Variants in CNTN5 observed in about 807,000 individuals in gnomAD.
CNTN5 encodes the protein contactin 5, also known as contactin-5.
In CNTN5, 77 loss-of-function variants were observed where a neutral mutation model predicts 129.1. The ratio of observed to expected loss-of-function variants is 0.60; its 90% CI spans 0.50 to 0.72. The LOEUF (loss-of-function observed/expected upper bound fraction) is 0.72. Among genes scored for constraint, CNTN5 ranks in the 30% least tolerant of loss-of-function variants. CNTN5 has a pLI of 0.00. For missense variants in CNTN5, 1,478 were observed against 1,328.8 expected (o/e 1.11, Z -1.75); for synonymous variants, 509 against 465.6 (o/e 1.09, Z -1.20).
intron 2 of CNTN5, among the ~76,000 whole-genome samples, chr11:99,378,290 T>C (rs2136150893): frequency 6.6e-6 from 1 of 152,282 alleles, no homozygotes; most frequent in South Asian, 2.1e-4. Flanking sequence ...TTAGCATTTC[T>C]TCTTACTTAG....
intron 3 of CNTN5, among the ~76,000 whole-genome samples, chr11:99,608,139 C>T (rs1950484866): frequency 6.7e-6 from 1 of 149,454 alleles, no homozygotes; most frequent in Non-Finnish European, 1.5e-5. Context: ...GAACTCAAAA[C>T]TTCTATACTG....
At chr11:99,056,677 G>A (rs1182776678) in intron 1 of CNTN5, among the ~76,000 whole-genome samples, 1 of 151,988 alleles carries the variant, frequency 6.6e-6, no homozygotes, top group Non-Finnish European at 1.5e-5. Flanking sequence ...CTAGGTCTGG[G>A]TGCCAGACTT....
chr11:99,302,761 T>C (rs1395291411), intron 1 of CNTN5, among the ~76,000 whole-genome samples: 2 of 151,792 alleles, frequency 1.3e-5, no homozygotes, highest in African/African-American at 4.8e-5. Context: ...GTGAAATATA[T>C]CTCAATGAAG....
intron 21 of CNTN5, among the ~76,000 whole-genome samples, chr11:100,334,385 G>C (rs1032935321): frequency 6.6e-6 from 1 of 152,014 alleles, no homozygotes; most frequent in Non-Finnish European, 1.5e-5. Flanking sequence ...TTCCTTAAAG[G>C]ACTAAAAGTA....
intron 15 of CNTN5, among the ~76,000 whole-genome samples, chr11:100,211,582 A>C (rs1389233465): frequency 2.0e-5 from 3 of 152,162 alleles, no homozygotes; most frequent in Non-Finnish European, 1.5e-5. Flanking sequence ...GTAGTTATAA[A>C]TAGAAGGCAA....
chr11:99,557,631 T>C (rs1271073913), intron 3 of CNTN5, among the ~76,000 whole-genome samples: 1 of 151,630 alleles, frequency 6.6e-6, no homozygotes, highest in Non-Finnish European at 1.5e-5. Flanking sequence ...AATTTTACAA[T>C]GGTTATTCTT....
intron 13 of CNTN5, among the ~76,000 whole-genome samples, chr11:100,106,897 G>T (rs1945456333): frequency 2.0e-5 from 3 of 152,022 alleles, no homozygotes; most frequent in African/African-American, 2.4e-5. Flanking sequence ...AGAAGCACCT[G>T]GTATTCACTG....
intron 3 of CNTN5, among the ~76,000 whole-genome samples, chr11:99,597,251 C>G (rs1791810569): frequency 6.6e-6 from 1 of 152,128 alleles, no homozygotes. Flanking sequence ...GTTCTTGGTT[C>G]TGAAGCCTCA....
At chr11:99,570,012 A>T (rs1032678238) in intron 3 of CNTN5, among the ~76,000 whole-genome samples, 1 of 152,140 alleles carries the variant, frequency 6.6e-6, no homozygotes, top group African/African-American at 2.4e-5. Flanking sequence ...GAAAAAAACA[A>T]AGAAGGTAAG....
intron 9 of CNTN5, among the ~76,000 whole-genome samples, chr11:100,003,157 A>G (rs1327390019): frequency 1.3e-5 from 2 of 152,150 alleles, no homozygotes; most frequent in Admixed American, 1.3e-4. Flanking sequence ...CATATATGCA[A>G]TTCTACTTTA....
At chr11:99,606,707 G>T (rs1002518824) in intron 3 of CNTN5, among the ~76,000 whole-genome samples, 3 of 141,716 alleles carry the variant, frequency 2.1e-5, no homozygotes, top group African/African-American at 7.8e-5. Flanking sequence ...ATACTACAAG[G>T]CTACAGTAAC....
chr11:99,621,828 A>T lies in CNTN5; in HGVS notation c.55+65559A>T, dbSNP rs530291655. Among the ~76,000 whole-genome samples, 360 of 152,320 alleles carry T rather than the reference A, an allele frequency of 2.4e-3. 2 individuals are homozygous for T. The highest frequency in any genetic ancestry group is 2.4e-3 in the Non-Finnish European group (163 of 68,030). On this transcript the variant is annotated intron_variant, in intron 3 of 24. Transcript: ENST00000524871. ...TCTTATATTTGCCCACATAAGTCTA[A>T]TTGAAAAGTTAGAACATTTACCAGT...
At chr11:99,178,613 A>C (rs1857897744) in intron 1 of CNTN5, among the ~76,000 whole-genome samples, 1 of 152,158 alleles carries the variant, frequency 6.6e-6, no homozygotes, top group Non-Finnish European at 1.5e-5. Context: ...TAATTGGAAA[A>C]ATGTATACAG....
intron 13 of CNTN5, among the ~76,000 whole-genome samples, chr11:100,113,417 CAAAAAAAAAAAAAAAAAAAAAAA>C (rs555286793): frequency 2.4e-4 from 4 of 16,774 alleles, no homozygotes; most frequent in African/African-American, 7.7e-4. Context: ...GATGCCATGC[CAAAAAAAAAAAAAAAAAAAAAAA>C]AAAAAAAAAA....
At chr11:99,689,220 G>A (rs1365183319) in intron 3 of CNTN5, among the ~76,000 whole-genome samples, 4 of 151,984 alleles carry the variant, frequency 2.6e-5, no homozygotes, top group Non-Finnish European at 5.9e-5. Context: ...TTACACTCCT[G>A]CCAACAAGGT....
intron 1 of CNTN5, among the ~76,000 whole-genome samples, chr11:99,100,744 TAAACC>T (rs1866692484): frequency 6.6e-6 from 1 of 152,088 alleles, no homozygotes; most frequent in African/African-American, 2.4e-5. Context: ...AAATAAAATT[TAAACC>T]AAAGTGTACA....
intron 2 of CNTN5, among the ~76,000 whole-genome samples, chr11:99,349,647 A>T (rs1938152438): frequency 1.3e-5 from 2 of 152,114 alleles, no homozygotes; most frequent in African/African-American, 4.8e-5. Flanking sequence ...GGCCATCTGG[A>T]GATGTTAGAA....
At chr11:99,756,744 T>C (rs986509936) in intron 3 of CNTN5, among the ~76,000 whole-genome samples, 4 of 152,108 alleles carry the variant, frequency 2.6e-5, no homozygotes, top group Non-Finnish European at 5.9e-5. Context: ...TCTTGCATAT[T>C]CTTGTTATAT....
At position 99,498,194 on chromosome 11, in the gene CNTN5, A is replaced by G. The variant is rs147086983; in HGVS notation, c.-70-57951A>G. Among the ~76,000 whole-genome samples, 152 of 152,292 alleles carry G rather than the reference A, an allele frequency of 1.0e-3. 1 individual carries two copies. The highest frequency in any genetic ancestry group is 3.5e-3 in the African/African-American group (144 of 41,572). On this transcript the variant is annotated intron_variant, in intron 2 of 24. Transcript: ENST00000524871. ...GCTTTTCTCTAATTTCTTTCAAAAT[A>G]GTGATCTCTAAACAGTATTGATTTT...
Sources: gnomAD v4.1 joint callset for allele counts (sites outside exome capture counted in the v4.1 genomes callset) on GRCh38, gnomAD v4.1.1 for gene constraint, MANE v1.5 for transcripts, NCBI Gene and HGNC (gene_info 2026-07-23, HGNC 2026-07-21) for gene names.